The following LDAF1 variants were observed in gnomAD, a reference collection of about 807,000 sequenced individuals.
The protein encoded by LDAF1 is PROMETHIN.
Under a neutral mutation model 13.5 loss-of-function variants are expected in LDAF1, and 7 were observed. That is an observed-to-expected ratio of 0.52 (90% CI 0.29 to 0.97). The LOEUF (loss-of-function observed/expected upper bound fraction) is 0.97. Among genes scored for constraint, LDAF1 ranks in the 50% least tolerant of loss-of-function variants. The pLI is 0.07. For missense variants in LDAF1, 148 were observed against 193.2 expected, an observed-to-expected ratio of 0.77 and a Z score of 1.39; for synonymous variants, 69 against 77.1, an observed-to-expected ratio of 0.89 and a Z score of 0.55.
intron 4 of LDAF1, among the ~76,000 whole-genome samples, chr16:21,174,797 C>T (rs1567201762): frequency 6.6e-6 from 1 of 152,080 alleles, no homozygotes; most frequent in Non-Finnish European, 1.5e-5. Flanking sequence ...GGCAGAGAGG[C>T]ACAGGAGAAA....
At chr16:21,166,895 G>T in intron 2 of LDAF1, 2 of 1,535,652 alleles carry the variant, frequency 1.3e-6, no homozygotes, top group East Asian at 2.4e-5. Flanking sequence ...TCCAGGCTGG[G>T]CAGTGCTGGC....
intron 3 of LDAF1, among the ~76,000 whole-genome samples, chr16:21,171,756 T>C (rs1029363606): frequency 1.3e-5 from 2 of 151,734 alleles, no homozygotes; most frequent in Non-Finnish European, 2.9e-5. Flanking sequence ...TTTTTTTTTC[T>C]AGATGGAATC....
rs985325546 is a variant in LDAF1, at chr16:21,180,008, T to G, written c.*452T>G. ...CAAAACAGAACAAGCCCTTCTGTGGTATTTGCTTTTTATCAGAAAGAACAG... is the reference window on the plus strand; with the variant it reads ...CAAAACAGAACAAGCCCTTCTGTGGGATTTGCTTTTTATCAGAAAGAACAG... On this transcript the variant is annotated 3_prime_UTR_variant, in exon 5 of 5. Transcript: ENST00000233047. 6.4e-5 allele frequency: 10 copies of G among 155,834 alleles called. No individual in the cohort carries two copies. Among genetic ancestry groups the G allele is most frequent in the African/African-American group, 2.4e-4 (10 of 41,388 alleles). 9.7% of individuals were successfully genotyped at this position (155,834 alleles called of 1,614,324 possible).
intron 3 of LDAF1, chr16:21,172,671 C>T (rs2093100856): frequency 6.3e-6 from 1 of 159,500 alleles, no homozygotes; most frequent in Non-Finnish European, 1.3e-5. Flanking sequence ...TTCCAGGCCT[C>T]ATCCAGAGAG....
At chr16:21,177,668 G>A (rs958491165) in intron 4 of LDAF1, among the ~76,000 whole-genome samples, 1 of 134,864 alleles carries the variant, frequency 7.4e-6, no homozygotes, top group Admixed American at 7.7e-5. Flanking sequence ...ACCCAGGCTG[G>A]AGTGCAGTGG....
chr16:21,159,392 G>A (rs762142564), intron 1 of LDAF1: 1 of 1,614,106 alleles, frequency 6.2e-7, no homozygotes, highest in South Asian at 1.1e-5. Flanking sequence ...GGCTGGGCCC[G>A]GATGGGGAGG....
At chr16:21,177,843 C>T (rs2093153255) in intron 4 of LDAF1, among the ~76,000 whole-genome samples, 1 of 151,890 alleles carries the variant, frequency 6.6e-6, no homozygotes, top group African/African-American at 2.4e-5. Context: ...GTCTTGAACT[C>T]CTGAGCTCAA....
At chr16:21,177,338 G>A (rs1387199391) in intron 4 of LDAF1, 2 of 152,122 alleles carry the variant, frequency 1.3e-5, no homozygotes, top group African/African-American at 4.8e-5. Flanking sequence ...GTAAGTGATA[G>A]TTTCTTAAAG....
intron 2 of LDAF1, among the ~76,000 whole-genome samples, chr16:21,167,666 T>C (rs888311162): frequency 7.0e-6 from 1 of 142,486 alleles, no homozygotes; most frequent in Non-Finnish European, 1.5e-5. Flanking sequence ...TTGCAAGCAT[T>C]GGACATTCTG....
intron 3 of LDAF1, chr16:21,172,731 G>A (rs2093101460): frequency 2.0e-6 from 1 of 501,502 alleles, no homozygotes. Flanking sequence ...AATTTTTCAC[G>A]AGCTTCCTTG....
At chr16:21,172,905 A>C (rs1487672317) in intron 3 of LDAF1, 1 of 872,676 alleles carries the variant, frequency 1.1e-6, no homozygotes, top group Non-Finnish European at 1.4e-6. Flanking sequence ...TGGGAGGAGC[A>C]CTGGGCTAAC....
Position 21,179,606 on chromosome 16 carries a change from C to T in LDAF1, c.*50C>T. The T allele has an allele frequency of 6.5e-7, 1 of 1,536,988 alleles. No individual in the cohort carries two copies. The highest frequency in any genetic ancestry group is 9.0e-7 in the Non-Finnish European group (1 of 1,115,930). On this transcript the variant is annotated 3_prime_UTR_variant, in exon 5 of 5. Transcript: ENST00000233047. Reference sequence around the variant, plus strand: ...TTTTCAAGTACTGCTGGATCATACTCACCCCTTGGGATTATGGCTTAGAAG... The same window carrying T: ...TTTTCAAGTACTGCTGGATCATACTTACCCCTTGGGATTATGGCTTAGAAG...
intron 2 of LDAF1, 146 bp downstream of exon 2, chr16:21,161,424 G>A: frequency 1.0e-6 from 1 of 970,502 alleles, no homozygotes; most frequent in East Asian, 2.6e-5. Flanking sequence ...TGTCTATGCT[G>A]TGACCTTCAA....
intron 2 of LDAF1, among the ~76,000 whole-genome samples, chr16:21,168,095 A>C (rs2093043836): frequency 6.8e-6 from 1 of 147,736 alleles, no homozygotes; most frequent in African/African-American, 2.5e-5. Flanking sequence ...GCTCACTGCA[A>C]CCTCCGCCTT....
At chr16:21,162,237 A>G (rs2092982953) in intron 2 of LDAF1, among the ~76,000 whole-genome samples, 1 of 152,300 alleles carries the variant, frequency 6.6e-6, no homozygotes, top group East Asian at 1.9e-4. Context: ...CATTTATACA[A>G]AATTATTAAT....
chr16:21,170,298 C>T (rs1266131732), intron 2 of LDAF1, 139 bp from the exon 3 acceptor site: 4 of 1,518,668 alleles, frequency 2.6e-6, no homozygotes, highest in Admixed American at 2.1e-5. Context: ...CCACTGCACC[C>T]GGCCTGTAGT....
chr16:21,160,932 C>T, intron 1 of LDAF1, 153 bp from the exon 2 acceptor site: 1 of 871,650 alleles, frequency 1.1e-6, no homozygotes, highest in South Asian at 3.5e-5. Context: ...ATATAAATTC[C>T]TGGATTGAAG....
chr16:21,159,592 A>C (rs1051993045), intron 1 of LDAF1: 4 of 772,702 alleles, frequency 5.2e-6, no homozygotes, highest in Non-Finnish European at 8.2e-6. Context: ...CCAGTCCCCC[A>C]GGCGTGAAGA....
At chr16:21,163,977 T>C (rs946754207) in intron 2 of LDAF1, among the ~76,000 whole-genome samples, 4 of 152,136 alleles carry the variant, frequency 2.6e-5, no homozygotes, top group African/African-American at 4.8e-5. Context: ...GCTGGGATTA[T>C]AGGCGTGAGC....
Sources: allele counts gnomAD v4.1 joint callset (sites outside exome capture counted in the v4.1 genomes callset), GRCh38; gene constraint gnomAD v4.1.1; transcripts MANE v1.5; gene names NCBI Gene and HGNC (gene_info 2026-07-23, HGNC 2026-07-21).